ADCY6: variants seen among roughly 807,000 people sequenced by gnomAD.
ADCY6 encodes adenylate cyclase type 6.
ADCY6 carries 59 observed loss-of-function variants against 111.6 expected under a neutral mutation model. The ratio of observed to expected loss-of-function variants is 0.53; its 90% CI spans 0.43 to 0.66. ADCY6 has a LOEUF of 0.66. Among genes scored for constraint, ADCY6 ranks in the 30% least tolerant of loss-of-function variants. The probability of loss-of-function intolerance (pLI) is 0.00; values close to 1 mark genes in which losing one functional copy is unlikely to be tolerated. For missense variants in ADCY6, 1,242 were observed against 1,595.6 expected (o/e 0.78, Z 3.78); for synonymous variants, 576 against 642.9 (o/e 0.90, Z 1.57).
Position 48,768,690 on chromosome 12 carries a change from T to C in ADCY6, c.3408A>G (p.Leu1136=). 1 of 1,614,168 alleles carries C rather than the reference T, an allele frequency of 6.2e-7. No homozygotes were observed. The highest frequency in any genetic ancestry group is 8.5e-7 in the Non-Finnish European group (1 of 1,180,002). ...IQVTTDLYQV[L]AAKGYQLECR... ...ACTCCAGCTGGTAGCCCTTGGCAGC[T>C]AGAACCTGGTACAGGTCCGTGGTCA... The change falls in exon 22 of 22, where the codon CTA becomes CTG. Residue 1136 remains leucine, a synonymous_variant. Coordinates refer to ENST00000357869, the MANE Select transcript of ADCY6 (RefSeq NM_015270.5).
intron 15 of ADCY6, 34 bp from the exon 16 acceptor site, chr12:48,773,681 G>T (rs1386987380): frequency 6.2e-7 from 1 of 1,612,674 alleles, no homozygotes; most frequent in Non-Finnish European, 8.5e-7. Context: ...TTGGGTGAAG[G>T]CAGAGGCCAC....
chr12:48,768,053 C>T lies in ADCY6; in HGVS notation c.*538G>A, dbSNP rs975705336. 6 of 176,936 alleles carry T rather than the reference C, an allele frequency of 3.4e-5. No individual in the cohort carries two copies. The highest frequency in any genetic ancestry group is 2.1e-4 in the Admixed American group (4 of 18,660). The allele number at this position is 176,936 out of a possible 1,614,324, so 11.0% of individuals were successfully genotyped here. On this transcript the variant is annotated 3_prime_UTR_variant, in exon 22 of 22. Transcript: ENST00000357869. ...GAGCTTCTCCCTCCTCTGCTCTGTG[C>T]ATAGGAGGGACACCTGGCTGGGGTG...
Position 48,774,430 on chromosome 12 carries a change from A to C in ADCY6, c.2255T>G (p.Leu752Arg). Reference protein sequence around the residue: ...STAVGIFSVLLVFTSAIANMF... With the variant: ...STAVGIFSVLRVFTSAIANMF... The stretch of plus-strand genomic sequence containing the variant: ...GTTGGCAATGGCAGAAGTAAACACA[A>C]GCAGGACGGAAAAGATGCCAACTGC... Residue 752 changes from leucine to arginine, a missense_variant, in exon 14 of 22, where the codon CTT becomes CGT. By Grantham distance (102) the Leu-to-Arg change is moderately radical. Around this residue, in one of 4 missense-constraint regions of ADCY6, gnomAD observed 375 missense variants for 432.5 expected, o/e 0.87. Transcript: ENST00000357869. 1.2e-6 allele frequency: 2 copies of C among 1,613,962 alleles called. No homozygotes were observed. The highest frequency in any genetic ancestry group is 1.7e-6 in the Non-Finnish European group (2 of 1,179,952).
Position 48,768,312 on chromosome 12 carries a change from A to G in ADCY6, c.*279T>C. 2.0e-6 allele frequency: 1 copy of G among 506,114 alleles called. No homozygotes were observed. The highest frequency in any genetic ancestry group is 3.6e-6 in the Non-Finnish European group (1 of 279,566). The allele number at this position is 506,114 out of a possible 1,614,324, so 31.4% of individuals were successfully genotyped here. ...AGGCCTCCCTCTGCTTCTGCTACTG[A>G]CCCCTCCCCTGCTCCCAAAGGCTGG... On this transcript the variant is annotated 3_prime_UTR_variant, in exon 22 of 22. Coordinates refer to ENST00000357869, the MANE Select transcript of ADCY6 (RefSeq NM_015270.5).
chr12:48,771,617 T>TC lies in ADCY6; in HGVS notation c.3051+92dup. On this transcript the variant is annotated intron_variant, in intron 19 of 21. Transcript: ENST00000357869. This position sits in a 1 kb window ranked among gnomAD's most constrained non-coding sequence, Gnocchi z 4.3. ...TGATGACTCTGGGTCCCATCAAATC[T>TC]CTCTCTCTCTTCCCAGTTCCACTCA... is the stretch of plus-strand genomic sequence containing the variant. 1 of 1,578,092 alleles carries TC rather than the reference T, an allele frequency of 6.3e-7. No individual in the cohort carries two copies.
At chr12:48,772,679 A>G (rs1345872464) in intron 16 of ADCY6, 136 bp from the exon 17 acceptor site, 29 of 966,582 alleles carry the variant, frequency 3.0e-5, no homozygotes, top group Non-Finnish European at 3.9e-5. Flanking sequence ...TTTTACTTAC[A>G]TTAATTAACT....
rs1321306548 is a variant in ADCY6, at chr12:48,775,000, C to T, written c.2035G>A (p.Val679Ile). The stretch of plus-strand genomic sequence containing the variant: ...TGGATGAAGCAGATGAAGCAGAAGA[C>T]CAACAGGGCACAGGCAACGTAGGCT... ...FGAYVACALL[V>I]FCFICFIQLL... Residue 679 changes from valine (V) to isoleucine (I), a missense_variant, in exon 12 of 22, where the codon GTC (valine) becomes ATC (isoleucine). Physicochemically the swap from Val to Ile is conservative, Grantham distance 29. Around this residue, in one of 4 missense-constraint regions of ADCY6, gnomAD observed 375 missense variants for 432.5 expected, o/e 0.87. Transcript: ENST00000357869. The T allele has an allele frequency of 3.2e-6, 5 of 1,558,406 alleles. No homozygotes were observed. The highest frequency in any genetic ancestry group is 4.3e-6 in the Non-Finnish European group (5 of 1,150,838).
At chr12:48,773,825 T>G (rs1376032356) in intron 15 of ADCY6, 115 bp downstream of exon 15, 1 of 1,476,774 alleles carries the variant, frequency 6.8e-7, no homozygotes, top group Non-Finnish European at 9.2e-7. Flanking sequence ...TTGCTCCTAG[T>G]GTGGGAGACT....
rs1305013620 is a variant in ADCY6 at position 48,777,620 on chromosome 12, A to G, written c.1131T>C (p.Asn377=). The change falls in exon 4 of 22, where the codon AAT becomes AAC. Residue 377 remains asparagine, a synonymous_variant. Coordinates refer to ENST00000357869, the MANE Select transcript of ADCY6 (RefSeq NM_015270.5). This position sits in a 1 kb window ranked among gnomAD's most constrained non-coding sequence, Gnocchi z 4.9. ...TCCTCCTACCCTCACCCTACCTGAC[A>G]TTGTCATGCTTCTGTATGTAGATCT... ...FHKIYIQKHD[N]VSILFADIEG... 2 of 1,613,218 alleles carry G rather than the reference A, an allele frequency of 1.2e-6. No individual in the cohort carries two copies. Among genetic ancestry groups the G allele is most frequent in the Non-Finnish European group, 1.7e-6 (2 of 1,180,022 alleles).
chr12:48,772,509 A>G lies in ADCY6; in HGVS notation c.2656T>C (p.Cys886Arg). The G allele has an allele frequency of 6.2e-7, 1 of 1,614,222 alleles. No individual in the cohort carries two copies. Among genetic ancestry groups the G allele is most frequent in the Non-Finnish European group, 8.5e-7 (1 of 1,180,052 alleles). Residue 886 changes from cysteine to arginine, a missense_variant and splice_region_variant, in exon 17 of 22, where the codon TGT (cysteine) becomes CGT (arginine). Physicochemically the swap from Cys to Arg is radical, Grantham distance 180. Coordinates refer to ENST00000357869, the MANE Select transcript of ADCY6 (RefSeq NM_015270.5). ...TGCTGCCTCGGAGCCCTCACTTACC[A>G]GTCCAGCCCATCAAAGGTCTCATTG... ...SSNETFDGLD[C>R]PAAGRVALKY...
chr12:48,787,515 G>A (rs1048549754), intron 1 of ADCY6, among the ~76,000 whole-genome samples: 24 of 152,198 alleles, frequency 1.6e-4, no homozygotes, highest in Middle Eastern at 3.4e-3. Flanking sequence ...AGAACTTGCC[G>A]GCCTCCCAAC....
rs1227105709 is a variant in ADCY6 at position 48,779,308 on chromosome 12, G to C, written c.865-1051C>G. 2.6e-5 allele frequency among the ~76,000 whole-genome samples: 4 copies of C among 152,328 alleles called. No homozygotes were observed. In the East Asian group the frequency reaches 7.7e-4, roughly 29 times the overall value. On this transcript the variant is annotated intron_variant, in intron 2 of 21. Transcript: ENST00000357869. ...AAGATCACACAGCTGTTAGTGGCTA[G>C]TGTGAGACTTGAACCCAGGACAATC...
At chr12:48,787,277 C>T (rs1177566412) in intron 1 of ADCY6, among the ~76,000 whole-genome samples, 2 of 151,728 alleles carry the variant, frequency 1.3e-5, no homozygotes, top group African/African-American at 4.8e-5. Flanking sequence ...CTGGCCCGGA[C>T]CTGTTCCCAA....
In ADCY6 at chr12:48,782,082, G is replaced by GCTCT. The variant is rs1257310197; in HGVS notation, c.864+485_864+488dup. On this transcript the variant is annotated intron_variant, in intron 2 of 21. Coordinates refer to ENST00000357869, the MANE Select transcript of ADCY6 (RefSeq NM_015270.5). This position sits in a 1 kb window ranked among gnomAD's most constrained non-coding sequence, Gnocchi z 4.3. ...CTCTTGCTGACAACATCCAAAACCTGCTCTATACCTCCAGATCACCACCTA... is the reference window on the plus strand; with the variant it reads ...CTCTTGCTGACAACATCCAAAACCTGCTCTCTCTATACCTCCAGATCACCACCTA... Among the ~76,000 whole-genome samples, 1 of 152,078 alleles carries GCTCT rather than the reference G, an allele frequency of 6.6e-6. No individual in the cohort carries two copies. The highest frequency in any genetic ancestry group is 1.5e-5 in the Non-Finnish European group (1 of 68,014).
At position 48,777,208 on chromosome 12, in the gene ADCY6, C is replaced by T; in HGVS notation, c.1272G>A (p.Lys424=). The T allele has an allele frequency of 1.2e-6, 2 of 1,613,802 alleles. No individual in the cohort carries two copies. The highest frequency in any genetic ancestry group is 1.7e-6 in the Non-Finnish European group (2 of 1,179,930). ...CACAGTAGTAACAGTCCCCCAAGATCTTGATCCTCAGGCAGTGATTCTCCT... is the reference window on the plus strand; with the variant it reads ...CACAGTAGTAACAGTCCCCCAAGATTTTGATCCTCAGGCAGTGATTCTCCT... The part of the protein sequence containing the change: ...LAAENHCLRI[K]ILGDCYYCVS... The change falls in exon 6 of 22, where the codon AAG becomes AAA. Residue 424 remains lysine, a synonymous_variant. Coordinates refer to ENST00000357869, the MANE Select transcript of ADCY6 (RefSeq NM_015270.5). The surrounding 1 kb of genome is among the most constrained non-coding windows in gnomAD (Gnocchi z 4.9).
rs574038324 is a variant in ADCY6, at chr12:48,775,436, T to C, written c.1847A>G (p.Asp616Gly). 1 of 1,613,998 alleles carries C rather than the reference T, an allele frequency of 6.2e-7. No homozygotes were observed. Among genetic ancestry groups the C allele is most frequent in the Admixed American group, 1.7e-5 (1 of 60,006 alleles). The stretch of plus-strand genomic sequence containing the variant: ...CACCTCATCCTCAGGGTTCAGGGCA[T>C]CTTGGGTGCCCCGGCTGAGGGCAGG... ...DSSKDNRGTQ[D>G]ALNPEDEVDE... The change falls in exon 11 of 22, where the codon GAT becomes GGT. Residue 616 changes from aspartate to glycine, a missense_variant. Asp to Gly is a moderately conservative substitution (Grantham distance 94). Coordinates refer to ENST00000357869, the MANE Select transcript of ADCY6 (RefSeq NM_015270.5).
intron 1 of ADCY6, among the ~76,000 whole-genome samples, chr12:48,787,854 C>T (rs566450029): frequency 6.6e-6 from 1 of 152,326 alleles, no homozygotes; most frequent in Non-Finnish European, 1.5e-5. Context: ...CCTCCCAAAC[C>T]CTGATCAGGC....
At chr12:48,787,372 T>A (rs1941997391) in intron 1 of ADCY6, among the ~76,000 whole-genome samples, 1 of 151,980 alleles carries the variant, frequency 6.6e-6, no homozygotes, top group African/African-American at 2.4e-5. Flanking sequence ...GGGCAAATGC[T>A]ATCCAGGAGA....
At chr12:48,787,548 C>G (rs1326315596) in intron 1 of ADCY6, among the ~76,000 whole-genome samples, 1 of 152,188 alleles carries the variant, frequency 6.6e-6, no homozygotes, top group Admixed American at 6.5e-5. Flanking sequence ...CCATGCCAGA[C>G]TGGTATGGCA....
Sources: gnomAD v4.1 joint callset for allele counts (sites outside exome capture counted in the v4.1 genomes callset) on GRCh38, gnomAD v4.1.1 for gene constraint, gnomAD v4.1.1 regional missense constraint, Gnocchi (gnomAD v3.1) non-coding constraint, MANE v1.5 for transcripts, NCBI Gene and HGNC (gene_info 2026-07-23, HGNC 2026-07-21) for gene names.